FTCDNL1: variants seen among roughly 807,000 people sequenced by gnomAD.
The protein encoded by FTCDNL1 is formiminotransferase N-terminal subdomain-containing protein.
Under a neutral mutation model 5.9 loss-of-function variants are expected in FTCDNL1, and 11 were observed. The observed-to-expected ratio is 1.87, with a 90% CI of 1.18 to 3.10. The LOEUF is 3.10. Ranked by LOEUF, FTCDNL1 falls within the 30% of genes most tolerant of loss-of-function variation. The pLI, the probability that FTCDNL1 is intolerant of heterozygous loss-of-function variation, is 0.00. For missense variants in FTCDNL1, 115 were observed against 65.5 expected, an observed-to-expected ratio of 1.76 and a Z score of -2.61; for synonymous variants, 58 against 24.8, an observed-to-expected ratio of 2.34 and a Z score of -3.99.
chr2:199,802,368 T>C, intron 3 of FTCDNL1, among the ~76,000 whole-genome samples: 1 of 152,198 alleles, frequency 6.6e-6, no homozygotes, highest in Non-Finnish European at 1.5e-5. Context: ...GACTTTACAG[T>C]CTAGCCAGCA....
rs1411867211 is a variant in FTCDNL1, at chr2:199,768,863, ATTTAAG to A, written c.212-8034_212-8029del. 2.6e-5 allele frequency among the ~76,000 whole-genome samples: 4 copies of A among 152,146 alleles called. No homozygotes were observed. The South Asian group carries it at 6.2e-4, about 24-fold the overall frequency. ...AGGTAAGAATGAGAAGAGAGGAGCT[ATTTAAG>A]TTTGTCTCTCCACAAAGGAAACGTT... On this transcript the variant is annotated intron_variant, in intron 3 of 3. Coordinates refer to the FTCDNL1 transcript ENST00000416668.
intron 2 of FTCDNL1, among the ~76,000 whole-genome samples, chr2:199,848,479 T>C (rs1241322408): frequency 6.6e-6 from 1 of 152,258 alleles, no homozygotes; most frequent in African/African-American, 2.4e-5. Flanking sequence ...TAAGGTACGA[T>C]TATGCTCATT....
the FTCDNL1 span, among the ~76,000 whole-genome samples, chr2:199,727,105 G>A: frequency 6.6e-6 from 1 of 152,224 alleles, no homozygotes; most frequent in Non-Finnish European, 1.5e-5. Flanking sequence ...CCTGGTTGGA[G>A]TGGCTGAAAT....
intron 4 of FTCDNL1, among the ~76,000 whole-genome samples, chr2:199,817,552 C>G (rs1701423335): frequency 6.6e-6 from 1 of 151,786 alleles, no homozygotes; most frequent in African/African-American, 2.4e-5. Context: ...TTTGGGAGGC[C>G]AAGGTGGGTA....
the FTCDNL1 span, among the ~76,000 whole-genome samples, chr2:199,719,061 G>C: frequency 6.6e-6 from 1 of 151,912 alleles, no homozygotes. Context: ...AGTCCCATTT[G>C]TCTATTTTTG....
intron 3 of FTCDNL1, among the ~76,000 whole-genome samples, chr2:199,832,021 T>C (rs1197196726): frequency 1.3e-5 from 2 of 152,204 alleles, no homozygotes; most frequent in Admixed American, 1.3e-4. Context: ...GATACAAGTA[T>C]TCATGAAAGT....
chr2:199,678,877 A>G, the FTCDNL1 span, among the ~76,000 whole-genome samples: 1 of 152,046 alleles, frequency 6.6e-6, no homozygotes, highest in Non-Finnish European at 1.5e-5. Context: ...TAAAATTGCA[A>G]TTTACTTTTC....
At chr2:199,835,365 G>C (rs1702657534) in intron 3 of FTCDNL1, among the ~76,000 whole-genome samples, 1 of 152,126 alleles carries the variant, frequency 6.6e-6, no homozygotes, top group South Asian at 2.1e-4. Context: ...ATTGGAGAAT[G>C]AATTATTCAA....
intron 3 of FTCDNL1, among the ~76,000 whole-genome samples, chr2:199,780,943 T>A (rs1244107612): frequency 6.6e-6 from 1 of 152,182 alleles, no homozygotes; most frequent in Non-Finnish European, 1.5e-5. Context: ...AACCAAGGTG[T>A]CTAACCCATA....
At chr2:199,802,283 A>T (rs1559200255) in intron 3 of FTCDNL1, among the ~76,000 whole-genome samples, 3 of 152,196 alleles carry the variant, frequency 2.0e-5, no homozygotes, top group Non-Finnish European at 4.4e-5. Context: ...TATCACTAGG[A>T]TAATGATAAA....
intron 3 of FTCDNL1, among the ~76,000 whole-genome samples, chr2:199,769,126 C>T (rs1338667434): frequency 1.3e-5 from 2 of 152,160 alleles, no homozygotes; most frequent in African/African-American, 4.8e-5. Flanking sequence ...TGAGCATTCA[C>T]ATCTCCTGCT....
At chr2:199,832,024 A>G (rs1702405569) in intron 3 of FTCDNL1, among the ~76,000 whole-genome samples, 5 of 152,226 alleles carry the variant, frequency 3.3e-5, no homozygotes, top group African/African-American at 2.4e-5. Flanking sequence ...ACAAGTATTC[A>G]TGAAAGTATA....
intron 3 of FTCDNL1, among the ~76,000 whole-genome samples, chr2:199,804,146 T>C (rs1417457802): frequency 6.6e-6 from 1 of 152,176 alleles, no homozygotes; most frequent in African/African-American, 2.4e-5. Flanking sequence ...AGAAACAATA[T>C]AGTTTTGTAA....
intron 3 of FTCDNL1, among the ~76,000 whole-genome samples, chr2:199,769,409 C>T (rs751938517): frequency 2.4e-4 from 36 of 152,314 alleles, no homozygotes; most frequent in Admixed American, 1.3e-3. Flanking sequence ...TTCCCCTGCA[C>T]AAGTCCTCTT....
downstream of FTCDNL1, among the ~76,000 whole-genome samples, chr2:199,804,626 A>G (rs1204650316): frequency 1.3e-5 from 2 of 152,162 alleles, no homozygotes; most frequent in East Asian, 1.9e-4. Flanking sequence ...AGAAGAAGAC[A>G]GTGAGATAAG....
At chr2:199,736,329 C>T in the FTCDNL1 span, among the ~76,000 whole-genome samples, 5,815 of 152,246 alleles carry the variant, frequency 0.038, 154 homozygotes, top group Non-Finnish European at 0.055. Context: ...CCATGAGCTT[C>T]CTTGGATCAT....
intron 3 of FTCDNL1, among the ~76,000 whole-genome samples, chr2:199,771,849 A>G (rs1209926198): frequency 6.6e-6 from 1 of 152,190 alleles, no homozygotes; most frequent in Non-Finnish European, 1.5e-5. Context: ...TCCATGGGAG[A>G]TATGTTCCAA....
chr2:199,752,768 GTGTGTGTGTGTGTA>G, the FTCDNL1 span, among the ~76,000 whole-genome samples: 3,238 of 147,394 alleles, frequency 0.022, 68 homozygotes, highest in East Asian at 0.12. Context: ...GTGTGTGTGT[GTGTGTGTGTGTGTA>G]TGTGTGTGTG....
chr2:199,805,844 G>A (rs1202539543), downstream of FTCDNL1, among the ~76,000 whole-genome samples: 1 of 151,868 alleles, frequency 6.6e-6, no homozygotes, highest in African/African-American at 2.4e-5. Context: ...ACTTCAGCCT[G>A]GGACGTCAAG....
Sources: allele counts gnomAD v4.1 joint callset (sites outside exome capture counted in the v4.1 genomes callset), GRCh38; gene constraint gnomAD v4.1.1; transcripts MANE v1.5; gene names NCBI Gene and HGNC (gene_info 2026-07-23, HGNC 2026-07-21).